The following CSMD1 variants were observed in gnomAD, a reference collection of about 807,000 sequenced individuals.
CSMD1 encodes the protein CUB and sushi domain-containing protein 1.
A neutral mutation model predicts 417.5 loss-of-function variants in CSMD1; 213 were observed. The ratio of observed to expected loss-of-function variants is 0.51; its 90% CI spans 0.46 to 0.57. The LOEUF is 0.57. Among genes scored for constraint, CSMD1 ranks in the 20% least tolerant of loss-of-function variants. CSMD1 has a pLI of 0.00. For synonymous variants in CSMD1, 2,862 were observed against 1,736.8 expected (o/e 1.65, Z -16.11); for missense variants, 6,923 against 4,529.7 (o/e 1.53, Z -15.17).
rs543349045 is a variant in CSMD1, at chr8:3,617,259, G to C, written c.1010-462C>G. ...CATTATGTATATTTTAAACATTGAA[G>C]TGCTTATCATTGAACTAAAACCCAT... On this transcript the variant is annotated intron_variant, in intron 7 of 69. Coordinates refer to ENST00000635120, the MANE Select transcript of CSMD1 (RefSeq NM_033225.6). Among the ~76,000 whole-genome samples the C allele has an allele frequency of 4.1e-4, 62 of 152,264 alleles. No homozygotes were observed. The South Asian group carries it at 5.6e-3, about 14-fold the overall frequency.
intron 5 of CSMD1, among the ~76,000 whole-genome samples, chr8:3,898,002 A>C (rs1807480351): frequency 6.6e-6 from 1 of 152,192 alleles, no homozygotes; most frequent in African/African-American, 2.4e-5. Context: ...AGCTCCTAGG[A>C]GGTGCCCAGA....
chr8:3,457,478 G>T (rs1310068647), intron 12 of CSMD1, among the ~76,000 whole-genome samples: 1 of 152,202 alleles, frequency 6.6e-6, no homozygotes, highest in Admixed American at 6.5e-5. Flanking sequence ...AGCAAGAGGT[G>T]ATCTAAAAGA....
chr8:3,509,535 A>C (rs1469464793), intron 10 of CSMD1, among the ~76,000 whole-genome samples: 1 of 152,232 alleles, frequency 6.6e-6, no homozygotes, highest in African/African-American at 2.4e-5. Flanking sequence ...TATTCTACCA[A>C]GATTGCCTCT....
At chr8:3,707,437 A>G (rs1252533669) in intron 7 of CSMD1, among the ~76,000 whole-genome samples, 1 of 152,216 alleles carries the variant, frequency 6.6e-6, no homozygotes, top group Non-Finnish European at 1.5e-5. Flanking sequence ...GAAACATCAC[A>G]TGAAAAGATT....
At chr8:3,072,878 G>C (rs1031903539) in intron 49 of CSMD1, among the ~76,000 whole-genome samples, 1 of 152,132 alleles carries the variant, frequency 6.6e-6, no homozygotes. Flanking sequence ...TAAATATCAT[G>C]TTAATTCAGA....
intron 5 of CSMD1, among the ~76,000 whole-genome samples, chr8:3,793,690 C>G (rs1040249184): frequency 1.3e-4 from 20 of 152,130 alleles, no homozygotes; most frequent in African/African-American, 4.6e-4. Context: ...ATTCATTATT[C>G]AGGGTAAGTT....
chr8:3,175,473 TTC>T (rs1491080876), intron 37 of CSMD1, among the ~76,000 whole-genome samples: 70 of 21,660 alleles, frequency 3.2e-3, no homozygotes, highest in Non-Finnish European at 6.8e-3. Context: ...CTTCCTTCTT[TTC>T]CCTTCCTTCC....
At chr8:3,228,963 A>T (rs1014361227) in intron 27 of CSMD1, among the ~76,000 whole-genome samples, 2 of 152,168 alleles carry the variant, frequency 1.3e-5, no homozygotes, top group African/African-American at 4.8e-5. Context: ...TAAACGCAGC[A>T]CCAGACATTA....
intron 1 of CSMD1, among the ~76,000 whole-genome samples, chr8:4,792,799 T>C (rs1420806933): frequency 2.0e-5 from 3 of 152,084 alleles, no homozygotes; most frequent in Non-Finnish European, 1.5e-5. Flanking sequence ...CAGGCGTACT[T>C]GTAATATTTA....
intron 3 of CSMD1, among the ~76,000 whole-genome samples, chr8:4,117,246 C>G (rs1802207401): frequency 6.6e-6 from 1 of 151,184 alleles, no homozygotes; most frequent in Non-Finnish European, 1.5e-5. Flanking sequence ...TGTCTGCTTT[C>G]CTCTCATCTA....
chr8:3,867,658 T>C (rs1473891611), intron 5 of CSMD1, among the ~76,000 whole-genome samples: 3 of 152,180 alleles, frequency 2.0e-5, no homozygotes, highest in African/African-American at 4.8e-5. Context: ...TATAGTATCT[T>C]GGTTAATCTT....
chr8:4,780,145 A>C (rs4875117), intron 1 of CSMD1, among the ~76,000 whole-genome samples: 104,271 of 152,108 alleles, frequency 0.69, 36,442 homozygotes, highest in Admixed American at 0.79. Context: ...CTTGTGCCAT[A>C]ATTGGCCAGA....
chr8:4,056,078 C>CTTTTTT (rs58415435), intron 3 of CSMD1, among the ~76,000 whole-genome samples: 42 of 97,838 alleles, frequency 4.3e-4, no homozygotes, highest in Non-Finnish European at 5.3e-4. Context: ...TGGTGGCTTC[C>CTTTTTT]TTTTTTTTTT....
chr8:4,327,611 G>A (rs1035410063), intron 3 of CSMD1, among the ~76,000 whole-genome samples: 3 of 151,986 alleles, frequency 2.0e-5, no homozygotes, highest in African/African-American at 4.8e-5. Flanking sequence ...AGTCAGAAAG[G>A]GGAAAAAGCC....
At chr8:3,675,057 T>A (rs1010264947) in intron 7 of CSMD1, among the ~76,000 whole-genome samples, 1 of 152,206 alleles carries the variant, frequency 6.6e-6, no homozygotes, top group African/African-American at 2.4e-5. Context: ...ATCCACCTTT[T>A]GGAAACCTGA....
chr8:4,903,241 A>G (rs1252379452), intron 1 of CSMD1, among the ~76,000 whole-genome samples: 1 of 152,180 alleles, frequency 6.6e-6, no homozygotes, highest in Non-Finnish European at 1.5e-5. Context: ...ACTTACAGCC[A>G]GACTTAGTGT....
intron 1 of CSMD1, among the ~76,000 whole-genome samples, chr8:4,784,820 G>A (rs1797316916): frequency 6.6e-6 from 1 of 152,158 alleles, no homozygotes; most frequent in East Asian, 1.9e-4. Context: ...AGCATTGTGG[G>A]TTGGCAGGAA....
intron 3 of CSMD1, among the ~76,000 whole-genome samples, chr8:4,367,958 T>TTA (rs1381885147): frequency 1.3e-5 from 2 of 152,112 alleles, no homozygotes; most frequent in Non-Finnish European, 2.9e-5. Context: ...CTGGCAGGCT[T>TTA]TATGGGGTGT....
chr8:4,502,597 A>C (rs770157293), intron 2 of CSMD1, among the ~76,000 whole-genome samples: 1 of 152,172 alleles, frequency 6.6e-6, no homozygotes, highest in South Asian at 2.1e-4. Context: ...GCCACTCCTC[A>C]TTTTAAAAAA....
Sources: allele counts gnomAD v4.1 joint callset (sites outside exome capture counted in the v4.1 genomes callset), GRCh38; gene constraint gnomAD v4.1.1; transcripts MANE v1.5; gene names NCBI Gene and HGNC (gene_info 2026-07-23, HGNC 2026-07-21).